The following NEUROD1 variants were observed in gnomAD, a reference collection of about 807,000 sequenced individuals.
NEUROD1 encodes the protein neurogenic differentiation factor 1.
A neutral mutation model predicts 21.8 loss-of-function variants in NEUROD1; 9 were observed. The ratio of observed to expected loss-of-function variants is 0.41; its 90% confidence interval spans 0.25 to 0.72. The LOEUF (loss-of-function observed/expected upper bound fraction) is 0.72. Ranked by LOEUF, NEUROD1 falls within the 30% of genes least tolerant of loss-of-function variation. The pLI is 0.31. For missense variants in NEUROD1, 434 were observed against 468.8 expected (o/e 0.93, Z 0.69); for synonymous variants, 199 against 186.2 (o/e 1.07, Z -0.56).
At chr2:181,672,377 G>A (rs1208460267), downstream of NEUROD1, among the ~76,000 whole-genome samples, 2 of 152,200 alleles carry the variant, frequency 1.3e-5, no homozygotes, top group Non-Finnish European at 2.9e-5. Context: ...AAGGCAACAG[G>A]CTTTAGCATC....
At chr2:181,670,471 C>T (rs979943774) in exon 2 of NEUROD1, among the ~76,000 whole-genome samples, 2 of 152,100 alleles carry the variant, frequency 1.3e-5, no homozygotes, top group Non-Finnish European at 2.9e-5. Flanking sequence ...TTTAAATGAA[C>T]TCTCCTATAC....
Position 181,678,602 on chromosome 2 carries a change from T to G in NEUROD1, c.259A>C (p.Lys87Gln), listed in dbSNP as rs751524182. The stretch of plus-strand genomic sequence containing the variant: ...CGAGCCTTAGTCATCTTCTTCTTTT[T>G]GGGGCCGCGTCTCTTGGGCTTTTGA... ...DDQKPKRRGPKKKKMTKARLE... is the reference protein window; with the variant it reads ...DDQKPKRRGPQKKKMTKARLE... Residue 87 changes from lysine to glutamine, a missense_variant, in exon 2 of 2, where the codon AAA becomes CAA. Transcript: ENST00000295108. The surrounding 1 kb of genome is among the most constrained non-coding windows in gnomAD (Gnocchi z 5.5). The G allele has an allele frequency of 6.2e-6, 10 of 1,614,172 alleles. No homozygotes were observed. Among genetic ancestry groups the G allele is most frequent in the Admixed American group, 1.7e-5 (1 of 60,026 alleles).
downstream of NEUROD1, among the ~76,000 whole-genome samples, chr2:181,668,658 T>G (rs1352188935): frequency 1.3e-5 from 2 of 152,176 alleles, no homozygotes; most frequent in African/African-American, 4.8e-5. Flanking sequence ...GGTGTTTCAC[T>G]TCAACGTCTC....
chr2:181,675,043 A>G (rs1688548654), downstream of NEUROD1, among the ~76,000 whole-genome samples: 1 of 152,200 alleles, frequency 6.6e-6, no homozygotes, highest in South Asian at 2.1e-4. Context: ...ATTACCTCCT[A>G]CACTGGAAGG....
At position 181,679,307 on chromosome 2, in the gene NEUROD1, T is replaced by C. The variant is rs569890328; in HGVS notation, c.-11-436A>G. On this transcript the variant is annotated intron_variant, in intron 1 of 1. Coordinates refer to ENST00000295108, the MANE Select transcript of NEUROD1 (RefSeq NM_002500.5). ...AAGCTGTAAAATCACACATTCTACTTCCATTTCTGTCCTGGCTTCCAGATA... is the reference window on the plus strand; with the variant it reads ...AAGCTGTAAAATCACACATTCTACTCCCATTTCTGTCCTGGCTTCCAGATA... 7.9e-5 allele frequency among the ~76,000 whole-genome samples: 12 copies of C among 152,132 alleles called. No individual in the cohort carries two copies. In the East Asian group the frequency reaches 2.3e-3, roughly 29 times the overall value.
chr2:181,679,349 G>C (rs936654799), intron 1 of NEUROD1, among the ~76,000 whole-genome samples: 28 of 151,828 alleles, frequency 1.8e-4, no homozygotes, highest in Middle Eastern at 3.5e-3. Flanking sequence ...GATTTAAGTT[G>C]AACAGCCATT....
chr2:181,672,922 A>C, downstream of NEUROD1, among the ~76,000 whole-genome samples: 1 of 152,238 alleles, frequency 6.6e-6, no homozygotes, highest in Admixed American at 6.5e-5. Flanking sequence ...AAGAAAAGTC[A>C]GTTACCAAAT....
At chr2:181,669,336 C>A (rs1323476597), downstream of NEUROD1, among the ~76,000 whole-genome samples, 1 of 152,074 alleles carries the variant, frequency 6.6e-6, no homozygotes, top group Admixed American at 6.6e-5. Context: ...AAAAACAATT[C>A]CCCTTTCTTT....
downstream of NEUROD1, among the ~76,000 whole-genome samples, chr2:181,674,074 T>C (rs887561501): frequency 1.3e-5 from 2 of 152,186 alleles, no homozygotes; most frequent in African/African-American, 4.8e-5. Flanking sequence ...AAGTAAAATA[T>C]GTTATGTGAA....
chr2:181,675,047 T>A (rs1688548811), downstream of NEUROD1, among the ~76,000 whole-genome samples: 1 of 152,210 alleles, frequency 6.6e-6, no homozygotes, highest in South Asian at 2.1e-4. Flanking sequence ...CCTCCTACAC[T>A]GGAAGGCTGG....
At chr2:181,671,756 C>T (rs1175679160), downstream of NEUROD1, among the ~76,000 whole-genome samples, 1 of 152,126 alleles carries the variant, frequency 6.6e-6, no homozygotes, top group Non-Finnish European at 1.5e-5. Context: ...TTAGAACACT[C>T]TATTATCCTC....
rs961736562 is a variant in NEUROD1, at chr2:181,680,444, G to A, written c.-26C>T. 2 of 152,246 alleles carry A rather than the reference G, an allele frequency of 1.3e-5. No individual in the cohort carries two copies. The highest frequency in any genetic ancestry group is 4.8e-5 in the African/African-American group (2 of 41,464). 9.4% of individuals were successfully genotyped at this position (152,246 alleles called of 1,614,324 possible). ...ACTGTAATTACCTTTGTTGTTAGTA[G>A]GTCCTGAGCAGTGATAGTCTCATAA... On this transcript the variant is annotated 5_prime_UTR_variant, in exon 1 of 2. Coordinates refer to ENST00000295108, the MANE Select transcript of NEUROD1 (RefSeq NM_002500.5).
chr2:181,677,045 T>C lies in NEUROD1; in HGVS notation c.*745A>G, dbSNP rs997975621. 1.3e-4 allele frequency: 19 copies of C among 151,836 alleles called. No homozygotes were observed. The highest frequency in any genetic ancestry group is 4.6e-4 in the African/African-American group (19 of 41,238). 9.4% of individuals were successfully genotyped at this position (151,836 alleles called of 1,614,324 possible). On this transcript the variant is annotated 3_prime_UTR_variant, in exon 2 of 2. Transcript: ENST00000295108. ...TAATTTTTTCTTCTCTTGAAAATTA[T>C]GATTCTGGTTTTTATTTTAGGGAGA...
chr2:181,674,444 G>C (rs528195502), downstream of NEUROD1, among the ~76,000 whole-genome samples: 67 of 152,212 alleles, frequency 4.4e-4, no homozygotes, highest in African/African-American at 1.6e-3. Context: ...AAAACTGTAA[G>C]AGTCTCTTTT....
downstream of NEUROD1, among the ~76,000 whole-genome samples, chr2:181,671,805 G>C (rs903489657): frequency 1.3e-5 from 2 of 152,058 alleles, no homozygotes; most frequent in Non-Finnish European, 2.9e-5. Context: ...TCACGTACCT[G>C]CTATGAATAA....
chr2:181,670,387 AC>A (rs1319076409), exon 2 of NEUROD1, among the ~76,000 whole-genome samples: 22 of 152,224 alleles, frequency 1.4e-4, no homozygotes, highest in Non-Finnish European at 2.9e-4. Flanking sequence ...TAAATGTCAA[AC>A]CCGATACCAA....
downstream of NEUROD1, among the ~76,000 whole-genome samples, chr2:181,670,220 A>C (rs17198745): frequency 0.27 from 41,442 of 152,100 alleles, 6,821 homozygotes; most frequent in Middle Eastern, 0.39. Flanking sequence ...GAGTTCAAAG[A>C]TGAGACTTTA....
exon 2 of NEUROD1, among the ~76,000 whole-genome samples, chr2:181,670,722 C>T: frequency 6.6e-6 from 1 of 152,050 alleles, no homozygotes; most frequent in East Asian, 1.9e-4. Context: ...GCCCCAAATC[C>T]TTGGGGCCCC....
At position 181,678,215 on chromosome 2, in the gene NEUROD1, C is replaced by A; in HGVS notation, c.646G>T (p.Val216Leu). ...HLPTASASFP[V>L]HPYSYQSPGL... ...GGCGACTGGTAGGAGTAGGGGTGTA[C>A]AGGGAAGGAAGCGCTGGCCGTCGGC... Residue 216 changes from valine (V) to leucine (L), a missense_variant, in exon 2 of 2, where the codon GTA becomes TTA. By Grantham distance (32) the Val-to-Leu change is conservative. Coordinates refer to ENST00000295108, the MANE Select transcript of NEUROD1 (RefSeq NM_002500.5). The surrounding 1 kb of genome is among the most constrained non-coding windows in gnomAD (Gnocchi z 5.5). 6.2e-7 allele frequency: 1 copy of A among 1,614,080 alleles called. No homozygotes were observed. Among genetic ancestry groups the A allele is most frequent in the Non-Finnish European group, 8.5e-7 (1 of 1,179,994 alleles).
Sources: gnomAD v4.1 joint callset for allele counts (sites outside exome capture counted in the v4.1 genomes callset) on GRCh38, gnomAD v4.1.1 for gene constraint, Gnocchi (gnomAD v3.1) non-coding constraint, MANE v1.5 for transcripts, NCBI Gene and HGNC (gene_info 2026-07-23, HGNC 2026-07-21) for gene names.